The following JCAD variants were observed in gnomAD, a reference collection of about 807,000 sequenced individuals.
The protein encoded by JCAD is junctional cadherin 5-associated protein.
A neutral mutation model predicts 98.0 loss-of-function variants in JCAD; 40 were observed. The ratio of observed to expected loss-of-function variants is 0.41; its 90% CI spans 0.32 to 0.53. JCAD has a LOEUF of 0.53. Among genes scored for constraint, JCAD ranks in the 20% least tolerant of loss-of-function variants. JCAD has a pLI of 0.31. For missense variants in JCAD, 1,705 were observed against 1,738.1 expected, an observed-to-expected ratio of 0.98 and a Z score of 0.34; for synonymous variants, 691 against 682.3, an observed-to-expected ratio of 1.01 and a Z score of -0.20.
At chr10:30,097,858 A>G (rs1437261521) in intron 1 of JCAD, among the ~76,000 whole-genome samples, 1 of 152,156 alleles carries the variant, frequency 6.6e-6, no homozygotes, top group Non-Finnish European at 1.5e-5. Context: ...AACAAGACTC[A>G]AAGGAGAAAA....
At chr10:30,035,527 C>A (rs1475369432) in intron 2 of JCAD, among the ~76,000 whole-genome samples, 2 of 152,240 alleles carry the variant, frequency 1.3e-5, no homozygotes, top group African/African-American at 2.4e-5. Context: ...GTAGATTTCT[C>A]CTTCAGACAA....
chr10:30,075,893 T>A (rs927493647), intron 1 of JCAD, among the ~76,000 whole-genome samples: 4 of 152,228 alleles, frequency 2.6e-5, no homozygotes, highest in African/African-American at 9.6e-5. Context: ...GTATCCTCAC[T>A]GTATTATAGC....
At chr10:30,067,187 C>A (rs1837799447) in intron 2 of JCAD, among the ~76,000 whole-genome samples, 1 of 150,718 alleles carries the variant, frequency 6.6e-6, no homozygotes, top group Non-Finnish European at 1.5e-5. Context: ...AAAAAAAGAA[C>A]TATGCAAATA....
At chr10:30,064,854 TAAAGACGGGGTTTC>T (rs951221517) in intron 2 of JCAD, among the ~76,000 whole-genome samples, 5 of 152,172 alleles carry the variant, frequency 3.3e-5, no homozygotes, top group African/African-American at 4.8e-5. Flanking sequence ...GTATTTTTAG[TAAAGACGGGGTTTC>T]ACCATGTTGG....
chr10:30,093,278 GT>G (rs1249290293), intron 1 of JCAD, among the ~76,000 whole-genome samples: 1 of 152,154 alleles, frequency 6.6e-6, no homozygotes, highest in East Asian at 1.9e-4. Flanking sequence ...TGGTTTAAAT[GT>G]TGATAAAACC....
intron 1 of JCAD, among the ~76,000 whole-genome samples, chr10:30,077,958 T>A (rs937903493): frequency 6.6e-6 from 1 of 152,218 alleles, no homozygotes; most frequent in African/African-American, 2.4e-5. Context: ...ATATGCCAAT[T>A]CTACGTTTAA....
chr10:30,044,989 G>A (rs1037502579), intron 2 of JCAD, among the ~76,000 whole-genome samples: 1 of 151,794 alleles, frequency 6.6e-6, no homozygotes, highest in African/African-American at 2.4e-5. Flanking sequence ...TAAGTGAATC[G>A]GCCAATCTCA....
intron 1 of JCAD, among the ~76,000 whole-genome samples, chr10:30,106,591 C>T (rs1448330719): frequency 6.6e-6 from 1 of 152,202 alleles, no homozygotes; most frequent in Non-Finnish European, 1.5e-5. Context: ...ACCTCTGCCT[C>T]CTGGGTTCAA....
rs151303795 is a variant in JCAD, at chr10:30,108,580, T to G, written n.128+6787A>C. Among the ~76,000 whole-genome samples, 107 of 152,276 alleles carry G rather than the reference T, an allele frequency of 7.0e-4. 2 individuals are homozygous for G. The East Asian group carries it at 0.02, about 28-fold the overall frequency. On this transcript the variant is annotated intron_variant and non_coding_transcript_variant, in intron 1 of 2. Transcript: ENST00000465712. ...CCATCGTTCATTGTTCATTGTTCAT[T>G]CATTGAAGATATCCCAACATTTAGT...
chr10:30,059,719 G>A (rs1188514796), upstream of JCAD, among the ~76,000 whole-genome samples: 1 of 151,540 alleles, frequency 6.6e-6, no homozygotes, highest in Non-Finnish European at 1.5e-5. The surrounding 1 kb of genome is among the most constrained non-coding windows in gnomAD (Gnocchi z 5.0). Context: ...CGTGGGTCGC[G>A]CAGAAGGCAC....
At chr10:30,103,062 A>G (rs544027562) in intron 1 of JCAD, among the ~76,000 whole-genome samples, 1 of 152,220 alleles carries the variant, frequency 6.6e-6, no homozygotes, top group South Asian at 2.1e-4. Flanking sequence ...GGGTGGGGAC[A>G]CAGCCAAACC....
chr10:30,039,667 A>G (rs918333948), intron 2 of JCAD, among the ~76,000 whole-genome samples: 1 of 152,206 alleles, frequency 6.6e-6, no homozygotes, highest in African/African-American at 2.4e-5. Context: ...GGAACAGTCC[A>G]GGCTCGGGGC....
chr10:30,111,094 C>T (rs1300929654), intron 1 of JCAD, among the ~76,000 whole-genome samples: 1 of 151,978 alleles, frequency 6.6e-6, no homozygotes, highest in African/African-American at 2.4e-5. Flanking sequence ...CTACCCCCGA[C>T]CTGATATATG....
chr10:30,049,033 G>A (rs1449113760), intron 1 of JCAD, among the ~76,000 whole-genome samples: 1 of 152,168 alleles, frequency 6.6e-6, no homozygotes, highest in African/African-American at 2.4e-5. Flanking sequence ...TACCCACAAA[G>A]AAGAATGAAA....
chr10:30,077,164 G>A (rs531020360), intron 1 of JCAD, among the ~76,000 whole-genome samples: 2 of 152,176 alleles, frequency 1.3e-5, no homozygotes, highest in Non-Finnish European at 2.9e-5. Context: ...TTGGGCACAA[G>A]GTAATATATT....
chr10:30,063,092 T>C (rs2505130), upstream of JCAD, among the ~76,000 whole-genome samples: 131,713 of 151,780 alleles, frequency 0.87, 57,686 homozygotes, highest in African/African-American at 0.96. Flanking sequence ...CCCACTCCCA[T>C]TTTCCTGCAA....
chr10:30,064,601 A>G (rs1837752590), intron 2 of JCAD, among the ~76,000 whole-genome samples: 1 of 152,136 alleles, frequency 6.6e-6, no homozygotes, highest in Non-Finnish European at 1.5e-5. Context: ...CTTCTGTGAG[A>G]TAGAACACCA....
rs113735187 is a variant in JCAD, at chr10:30,083,555, T to C, written n.129-13734A>G. ...CTACTCAATAGAGACAAAAGAGTTC[T>C]TTGTATACCACAGAATACAGGGTCT... On this transcript the variant is annotated intron_variant and non_coding_transcript_variant, in intron 1 of 2. Coordinates refer to the JCAD transcript ENST00000465712. 5.1e-3 allele frequency among the ~76,000 whole-genome samples: 773 copies of C among 152,354 alleles called. 9 individuals carry two copies. The highest frequency in any genetic ancestry group is 0.018 in the African/African-American group (744 of 41,580).
intron 3 of JCAD, among the ~76,000 whole-genome samples, chr10:30,023,843 A>G (rs772357250): frequency 5.9e-5 from 9 of 152,148 alleles, no homozygotes; most frequent in Non-Finnish European, 8.8e-5. Flanking sequence ...TTCTCACACT[A>G]AATAGTCAAG....
Sources: gnomAD v4.1 joint callset for allele counts (sites outside exome capture counted in the v4.1 genomes callset) on GRCh38, gnomAD v4.1.1 for gene constraint, Gnocchi (gnomAD v3.1) non-coding constraint, MANE v1.5 for transcripts, NCBI Gene and HGNC (gene_info 2026-07-23, HGNC 2026-07-21) for gene names.